CAMTA1: variants seen among roughly 807,000 people sequenced by gnomAD.
CAMTA1 encodes the protein calmodulin-binding transcription activator 1.
In CAMTA1, 27 loss-of-function variants were observed where a neutral mutation model predicts 170.9. The observed-to-expected ratio is 0.16, with a 90% confidence interval of 0.12 to 0.22. The LOEUF is 0.22. Ranked by LOEUF, CAMTA1 falls within the 10% of genes least tolerant of loss-of-function variation. The pLI is 1.00. For synonymous variants in CAMTA1, 833 were observed against 891.5 expected (o/e 0.93, Z 1.17); for missense variants, 1,619 against 2,217.2 (o/e 0.73, Z 5.42).
chr1:7,401,998 T>A (rs1474662446), intron 5 of CAMTA1, among the ~76,000 whole-genome samples: 1 of 152,164 alleles, frequency 6.6e-6, no homozygotes, highest in African/African-American at 2.4e-5. Context: ...TCTCTTGCAG[T>A]AGTTTTCCTC....
rs181852571 is a variant in CAMTA1, at chr1:7,672,754, A to C, written c.2779+1717A>C. ...GCTCTTCTTGCAGCCACCAGAGCAG[A>C]AAACCCCTGCTCCACAGCTGGCTGC... On this transcript the variant is annotated intron_variant, in intron 10 of 22. Coordinates refer to ENST00000303635, the MANE Select transcript of CAMTA1 (RefSeq NM_015215.4). 4.7e-4 allele frequency among the ~76,000 whole-genome samples: 72 copies of C among 152,222 alleles called. 1 individual carries two copies. The highest frequency in any genetic ancestry group is 1.7e-3 in the African/African-American group (72 of 41,534).
intron 3 of CAMTA1, among the ~76,000 whole-genome samples, chr1:7,052,502 C>T (rs1443302069): frequency 6.6e-6 from 1 of 152,184 alleles, no homozygotes; most frequent in Non-Finnish European, 1.5e-5. Flanking sequence ...CAGGGACCCT[C>T]GGTGTCTTTG....
intron 7 of CAMTA1, among the ~76,000 whole-genome samples, chr1:7,647,824 C>G (rs550715397): frequency 3.3e-5 from 5 of 152,350 alleles, no homozygotes; most frequent in Admixed American, 2.6e-4. Context: ...TGGCTTACGC[C>G]TGTAATCCCA....
intron 3 of CAMTA1, among the ~76,000 whole-genome samples, chr1:7,084,655 C>T (rs999974045): frequency 1.3e-4 from 20 of 152,144 alleles, no homozygotes; most frequent in African/African-American, 3.9e-4. Context: ...ATGTGGGACG[C>T]GGAGGGTGCA....
intron 6 of CAMTA1, among the ~76,000 whole-genome samples, chr1:7,639,766 G>A (rs1464166896): frequency 1.4e-5 from 2 of 140,220 alleles, no homozygotes; most frequent in East Asian, 4.0e-4. Flanking sequence ...GTGAGACTCT[G>A]TCTAAAGAAA....
chr1:6,885,992 C>T (rs931966007), intron 3 of CAMTA1, among the ~76,000 whole-genome samples: 10 of 152,282 alleles, frequency 6.6e-5, no homozygotes, highest in African/African-American at 1.2e-4. Context: ...ATGTCCTGTG[C>T]GGGCCCTTGC....
chr1:7,720,104 C>T (rs571797227), intron 11 of CAMTA1, among the ~76,000 whole-genome samples: 2 of 152,252 alleles, frequency 1.3e-5, no homozygotes, highest in African/African-American at 4.8e-5. Context: ...CAAGTTCTCA[C>T]GTTTGCCGAT....
chr1:7,149,534 C>T (rs777750583), intron 4 of CAMTA1, among the ~76,000 whole-genome samples: 5 of 152,214 alleles, frequency 3.3e-5, no homozygotes, highest in Non-Finnish European at 5.9e-5. Flanking sequence ...AGGTGCTTCA[C>T]CTTTGGGCCT....
intron 11 of CAMTA1, among the ~76,000 whole-genome samples, chr1:7,678,792 G>A (rs1407213855): frequency 6.6e-6 from 1 of 152,202 alleles, no homozygotes; most frequent in African/African-American, 2.4e-5. Context: ...GCAGGGGTGG[G>A]TTCTCCAAGC....
At chr1:7,602,299 T>C (rs2150583118) in intron 6 of CAMTA1, among the ~76,000 whole-genome samples, 1 of 152,008 alleles carries the variant, frequency 6.6e-6, no homozygotes, top group South Asian at 2.1e-4. Context: ...CTTTTTTTGG[T>C]TGGTAAGCTA....
rs149830376 is a variant in CAMTA1 at position 7,240,851 on chromosome 1, C to T, written c.303-8640C>T. 1.5e-3 allele frequency among the ~76,000 whole-genome samples: 230 copies of T among 152,270 alleles called. 2 individuals are homozygous for T. Among genetic ancestry groups the T allele is most frequent in the African/African-American group, 5.3e-3 (220 of 41,548 alleles). ...CTTAAGTCTTCCATACAGCTAACATCATACTTAATGATGAAAGACTGTATG... is the reference window on the plus strand; with the variant it reads ...CTTAAGTCTTCCATACAGCTAACATTATACTTAATGATGAAAGACTGTATG... On this transcript the variant is annotated intron_variant, in intron 4 of 22. Transcript: ENST00000303635.
chr1:6,963,344 C>A (rs1690904159), intron 3 of CAMTA1, among the ~76,000 whole-genome samples: 1 of 141,892 alleles, frequency 7.0e-6, no homozygotes. Context: ...CTTTTGGCCC[C>A]TCCTTGCCCG....
chr1:7,568,920 CCAT>C (rs927258420), intron 6 of CAMTA1, among the ~76,000 whole-genome samples: 56 of 151,778 alleles, frequency 3.7e-4, no homozygotes, highest in Non-Finnish European at 4.6e-4. Context: ...ATCAACATCA[CCAT>C]CATCATCATC....
Position 7,766,773 on chromosome 1 carries a change from C to A in CAMTA1, c.*282C>A. The A allele has an allele frequency of 2.3e-6, 1 of 439,774 alleles. No homozygotes were observed. The highest frequency in any genetic ancestry group is 4.1e-6 in the Non-Finnish European group (1 of 243,894). The allele number at this position is 439,774 out of a possible 1,614,324, so 27.2% of individuals were successfully genotyped here. A position where few individuals can be genotyped will look rare whatever the true frequency, so the allele number is the denominator to read the frequency against. On this transcript the variant is annotated 3_prime_UTR_variant, in exon 23 of 23. Transcript: ENST00000303635. ...GTTGGATCACGGGAAATCAAGACAC[C>A]CAGGAGGAATTGAAAGAGGCTTCCT...
chr1:7,419,730 A>G (rs2091436450), intron 5 of CAMTA1, among the ~76,000 whole-genome samples: 1 of 151,644 alleles, frequency 6.6e-6, no homozygotes, highest in African/African-American at 2.4e-5. Flanking sequence ...CCCCACCACC[A>G]CCCAGCAGCC....
chr1:7,134,513 G>T (rs1278875398), intron 4 of CAMTA1, among the ~76,000 whole-genome samples: 2 of 151,936 alleles, frequency 1.3e-5, no homozygotes, highest in Non-Finnish European at 2.9e-5. Context: ...TCACTATGTT[G>T]TCCAGGCTGA....
chr1:7,373,238 C>A (rs562340871), intron 5 of CAMTA1, among the ~76,000 whole-genome samples: 2 of 152,164 alleles, frequency 1.3e-5, no homozygotes, highest in African/African-American at 2.4e-5. Context: ...AGTAGTACCC[C>A]GTCTCTGCCA....
intron 6 of CAMTA1, among the ~76,000 whole-genome samples, chr1:7,495,237 GT>G (rs2093808126): frequency 6.6e-6 from 1 of 152,176 alleles, no homozygotes; most frequent in Non-Finnish European, 1.5e-5. Context: ...GTTTCGGGGG[GT>G]AAACTACAAA....
chr1:6,978,711 C>T (rs1693914501), intron 3 of CAMTA1, among the ~76,000 whole-genome samples: 1 of 150,674 alleles, frequency 6.6e-6, no homozygotes, highest in Admixed American at 6.6e-5. Context: ...TACAATGCAC[C>T]TGCAAAAATT....
Sources: gnomAD v4.1 joint callset for allele counts (sites outside exome capture counted in the v4.1 genomes callset) on GRCh38, gnomAD v4.1.1 for gene constraint, MANE v1.5 for transcripts, NCBI Gene and HGNC (gene_info 2026-07-23, HGNC 2026-07-21) for gene names.